The following CDH20 variants were observed in gnomAD, a reference collection of about 807,000 sequenced individuals.
The protein encoded by CDH20 is cadherin 20.
A neutral mutation model predicts 74.2 loss-of-function variants in CDH20; 29 were observed. The ratio of observed to expected loss-of-function variants is 0.39; its 90% confidence interval spans 0.29 to 0.53. The LOEUF is 0.53. Among genes scored for constraint, CDH20 ranks in the 20% least tolerant of loss-of-function variants. The pLI is 0.69. For synonymous variants in CDH20, 469 were observed against 405.4 expected, an observed-to-expected ratio of 1.16 and a Z score of -1.88; for missense variants, 988 against 1,048.3, an observed-to-expected ratio of 0.94 and a Z score of 0.79.
intron 1 of CDH20, among the ~76,000 whole-genome samples, chr18:61,482,743 C>T (rs1405321351): frequency 6.6e-6 from 1 of 151,410 alleles, no homozygotes; most frequent in Non-Finnish European, 1.5e-5. Flanking sequence ...AATCCTCCCC[C>T]AACCCAGCCT....
intron 6 of CDH20, among the ~76,000 whole-genome samples, chr18:61,525,745 A>G (rs1222544093): frequency 6.6e-6 from 1 of 152,184 alleles, no homozygotes; most frequent in African/African-American, 2.4e-5. Flanking sequence ...GAAAATAACA[A>G]TTATATGAAT....
At chr18:61,462,723 AAGGG>A (rs762139927) in intron 1 of CDH20, among the ~76,000 whole-genome samples, 5 of 128,466 alleles carry the variant, frequency 3.9e-5, no homozygotes, top group East Asian at 2.5e-4. Flanking sequence ...CAAAAAAAAA[AAGGG>A]GGGGGGGGCA....
rs150137240 is a variant in CDH20 at position 61,360,333 on chromosome 18, A to T, written c.-153+26506A>T. 7.2e-5 allele frequency among the ~76,000 whole-genome samples: 11 copies of T among 152,300 alleles called. 1 individual carries two copies. The highest frequency in any genetic ancestry group is 1.7e-4 in the African/African-American group (7 of 41,566). Reference sequence around the variant, plus strand: ...TTCTCAAAAGTTGGCAATAGTAGATATTAGATTGATGAATGGATGGGGGAA... The same window carrying T: ...TTCTCAAAAGTTGGCAATAGTAGATTTTAGATTGATGAATGGATGGGGGAA... On this transcript the variant is annotated intron_variant, in intron 1 of 11. Transcript: ENST00000262717.
chr18:61,443,337 G>T (rs1261505931), intron 1 of CDH20, among the ~76,000 whole-genome samples: 1 of 152,110 alleles, frequency 6.6e-6, no homozygotes, highest in Admixed American at 6.5e-5. Context: ...TCTTTCTTTT[G>T]CTATGTAGGA....
chr18:61,372,714 T>C (rs1377792071), intron 1 of CDH20, among the ~76,000 whole-genome samples: 1 of 152,164 alleles, frequency 6.6e-6, no homozygotes, highest in Admixed American at 6.6e-5. Context: ...CAGCTACGCT[T>C]GTTGATTTAT....
intron 6 of CDH20, among the ~76,000 whole-genome samples, chr18:61,523,575 A>T (rs1016358890): frequency 2.6e-5 from 4 of 152,224 alleles, no homozygotes; most frequent in African/African-American, 7.2e-5. Flanking sequence ...CTGGGTATAT[A>T]CCCAAAGGAT....
chr18:61,481,370 C>T (rs1910583252), intron 1 of CDH20, among the ~76,000 whole-genome samples: 1 of 152,096 alleles, frequency 6.6e-6, no homozygotes, highest in Non-Finnish European at 1.5e-5. Flanking sequence ...GATTATTATT[C>T]TCATATTTGA....
At chr18:61,368,555 A>G (rs1234998265) in intron 1 of CDH20, among the ~76,000 whole-genome samples, 1 of 152,092 alleles carries the variant, frequency 6.6e-6, no homozygotes, top group Non-Finnish European at 1.5e-5. Flanking sequence ...AAGAGATTAA[A>G]AACAAAAATT....
At chr18:61,509,292 G>C (rs1056530643) in intron 6 of CDH20, among the ~76,000 whole-genome samples, 2 of 152,202 alleles carry the variant, frequency 1.3e-5, no homozygotes, top group South Asian at 4.1e-4. Flanking sequence ...TTTATGCAAA[G>C]ACTTACAGTG....
intron 10 of CDH20, among the ~76,000 whole-genome samples, chr18:61,548,499 G>C (rs546855895): frequency 5.8e-4 from 89 of 152,342 alleles, no homozygotes; most frequent in African/African-American, 2.1e-3. Flanking sequence ...CATGGCACAT[G>C]AGCCTTTAGT....
intron 6 of CDH20, among the ~76,000 whole-genome samples, chr18:61,524,091 G>A (rs1323166242): frequency 1.3e-5 from 2 of 151,956 alleles, no homozygotes; most frequent in Admixed American, 6.6e-5. Context: ...ACACTGTTAA[G>A]AGAATGAAAA....
intron 1 of CDH20, among the ~76,000 whole-genome samples, chr18:61,407,809 A>T (rs531792675): frequency 6.6e-6 from 1 of 152,372 alleles, no homozygotes; most frequent in South Asian, 2.1e-4. Flanking sequence ...GGAAGGCTAA[A>T]GATCTGTCAC....
At chr18:61,529,118 A>G (rs1042481290) in intron 7 of CDH20, among the ~76,000 whole-genome samples, 2 of 152,212 alleles carry the variant, frequency 1.3e-5, no homozygotes, top group South Asian at 2.1e-4. Context: ...GGTTGACACC[A>G]CAACCTTCCA....
intron 2 of CDH20, among the ~76,000 whole-genome samples, chr18:61,496,617 T>TTCTTAAAGC (rs1379045317): frequency 6.6e-6 from 1 of 152,098 alleles, no homozygotes; most frequent in African/African-American, 2.4e-5. Context: ...TCGCTGTCGT[T>TTCTTAAAGC]TCTTAAAGCG....
At chr18:61,400,343 CT>C (rs1398865084) in intron 1 of CDH20, among the ~76,000 whole-genome samples, 2 of 152,234 alleles carry the variant, frequency 1.3e-5, no homozygotes, top group Non-Finnish European at 2.9e-5. Flanking sequence ...AAAGTAGATA[CT>C]GCTTAACTTG....
At chr18:61,424,119 G>C (rs541978265) in intron 1 of CDH20, among the ~76,000 whole-genome samples, 1 of 152,264 alleles carries the variant, frequency 6.6e-6, no homozygotes, top group African/African-American at 2.4e-5. Flanking sequence ...TACTTACGGG[G>C]TACATGTGAT....
chr18:61,472,549 A>C (rs1288249658), intron 1 of CDH20, among the ~76,000 whole-genome samples: 1 of 152,226 alleles, frequency 6.6e-6, no homozygotes, highest in Non-Finnish European at 1.5e-5. Flanking sequence ...CACTCCGTGA[A>C]AGGAGAAAAG....
chr18:61,380,373 TTAAG>T (rs2144178115), intron 1 of CDH20, among the ~76,000 whole-genome samples: 1 of 152,098 alleles, frequency 6.6e-6, no homozygotes, highest in Non-Finnish European at 1.5e-5. Flanking sequence ...CATAGTAAAA[TTAAG>T]TAAGAAACAC....
At chr18:61,524,577 A>G (rs1912320483) in intron 6 of CDH20, among the ~76,000 whole-genome samples, 1 of 152,222 alleles carries the variant, frequency 6.6e-6, no homozygotes, top group East Asian at 1.9e-4. Context: ...TGGATAAATC[A>G]ACTGTTGTGC....
Sources: gnomAD v4.1 joint callset for allele counts (sites outside exome capture counted in the v4.1 genomes callset) on GRCh38, gnomAD v4.1.1 for gene constraint, MANE v1.5 for transcripts, NCBI Gene and HGNC (gene_info 2026-07-23, HGNC 2026-07-21) for gene names.